The following TENM2 variants were observed in gnomAD, a reference collection of about 807,000 sequenced individuals.
The protein encoded by TENM2 is teneurin-2.
Under a neutral mutation model 245.2 loss-of-function variants are expected in TENM2, and 52 were observed. That is an observed-to-expected ratio of 0.21 (90% CI 0.17 to 0.27). TENM2 has a LOEUF of 0.27. TENM2 is among the 10% of genes least tolerant of loss of function. The pLI is 1.00. For synonymous variants in TENM2, 1,363 were observed against 1,438.9 expected (o/e 0.95, Z 1.19); for missense variants, 3,046 against 3,666.8 (o/e 0.83, Z 4.37).
the TENM2 span, among the ~76,000 whole-genome samples, chr5:167,203,022 A>G: frequency 8.5e-5 from 13 of 152,178 alleles, no homozygotes; most frequent in Non-Finnish European, 1.6e-4. Context: ...CAAATACCAT[A>G]CACATCTTAC....
the TENM2 span, among the ~76,000 whole-genome samples, chr5:167,083,377 A>C: frequency 6.6e-6 from 1 of 152,278 alleles, no homozygotes; most frequent in South Asian, 2.1e-4. Flanking sequence ...CCACTGCTTC[A>C]CCAACTGCTT....
chr5:168,234,505 A>G (rs1427780856), intron 25 of TENM2, among the ~76,000 whole-genome samples: 1 of 152,146 alleles, frequency 6.6e-6, no homozygotes, highest in Non-Finnish European at 1.5e-5. Context: ...AAATATCCCA[A>G]ATATAGTCTA....
At chr5:167,876,866 A>G (rs986230365) in intron 3 of TENM2, among the ~76,000 whole-genome samples, 2 of 152,100 alleles carry the variant, frequency 1.3e-5, no homozygotes, top group African/African-American at 4.8e-5. Context: ...GGAACAGGGA[A>G]ACTGGACCCA....
intron 1 of TENM2, among the ~76,000 whole-genome samples, chr5:167,304,619 T>G (rs1024907049): frequency 1.3e-5 from 2 of 152,116 alleles, no homozygotes; most frequent in Admixed American, 6.5e-5. Context: ...CATAAGAAAC[T>G]GTGTGATTTT....
At chr5:167,061,271 TTGG>T in the TENM2 span, among the ~76,000 whole-genome samples, 1 of 152,146 alleles carries the variant, frequency 6.6e-6, no homozygotes, top group Non-Finnish European at 1.5e-5. Flanking sequence ...AATATATTTG[TTGG>T]TGGAAAGAAT....
intron 2 of TENM2, among the ~76,000 whole-genome samples, chr5:167,714,069 C>T (rs1053256322): frequency 6.6e-5 from 10 of 152,114 alleles, no homozygotes; most frequent in African/African-American, 2.2e-4. Flanking sequence ...GTCACCTCAG[C>T]CTTGCCTTCT....
intron 2 of TENM2, among the ~76,000 whole-genome samples, chr5:167,443,806 CAG>C (rs1042258064): frequency 1.8e-4 from 27 of 152,090 alleles, no homozygotes; most frequent in Admixed American, 1.3e-3. Flanking sequence ...AACTTGAAAA[CAG>C]GGGACTTATT....
At chr5:167,281,121 T>C (rs1561833089), upstream of TENM2, among the ~76,000 whole-genome samples, 1 of 151,844 alleles carries the variant, frequency 6.6e-6, no homozygotes, top group African/African-American at 2.4e-5. Context: ...ATGTTTTTTT[T>C]TTTTTGAAAT....
intron 2 of TENM2, among the ~76,000 whole-genome samples, chr5:167,600,155 T>C (rs1010276823): frequency 1.4e-5 from 2 of 138,372 alleles, no homozygotes; most frequent in Non-Finnish European, 3.2e-5. Flanking sequence ...TGCAAAAATA[T>C]GTTAATGTTC....
intron 1 of TENM2, among the ~76,000 whole-genome samples, chr5:167,360,874 A>T (rs539802868): frequency 1.7e-4 from 26 of 152,250 alleles, no homozygotes; most frequent in Admixed American, 1.4e-3. Flanking sequence ...AGGAATTCAA[A>T]CTCTGGGCTA....
intron 4 of TENM2, among the ~76,000 whole-genome samples, chr5:167,966,803 G>A (rs1257713436): frequency 6.6e-6 from 1 of 152,144 alleles, no homozygotes; most frequent in African/African-American, 2.4e-5. Flanking sequence ...GTTTTCAAGT[G>A]AGGTTTAAAG....
chr5:167,276,349 ATTTTGTGT>A, the TENM2 span, among the ~76,000 whole-genome samples: 2 of 62,586 alleles, frequency 3.2e-5, no homozygotes, highest in Non-Finnish European at 4.5e-5. Flanking sequence ...GAGCCTGTTC[ATTTTGTGT>A]GTGTGTGTGT....
At chr5:167,354,267 T>A (rs183263859) in intron 1 of TENM2, among the ~76,000 whole-genome samples, 2 of 152,338 alleles carry the variant, frequency 1.3e-5, no homozygotes, top group African/African-American at 4.8e-5. Flanking sequence ...CTTCTTTAAA[T>A]TAGATCTCTT....
At chr5:168,246,650 C>T in intron 26 of TENM2, 107 bp from the exon 29 acceptor site, 1 of 1,119,974 alleles carries the variant, frequency 8.9e-7, no homozygotes, top group Non-Finnish European at 1.3e-6. Context: ...TCCCATCTTT[C>T]ATGACTTTTG....
At chr5:166,992,382 C>G in the TENM2 span, among the ~76,000 whole-genome samples, 1 of 152,104 alleles carries the variant, frequency 6.6e-6, no homozygotes, top group African/African-American at 2.4e-5. Context: ...TCTTTGAAGG[C>G]TTAATCTTTT....
chr5:167,690,537 G>GCC (rs1442643076), intron 2 of TENM2, among the ~76,000 whole-genome samples: 1 of 152,132 alleles, frequency 6.6e-6, no homozygotes, highest in Admixed American at 6.5e-5. Flanking sequence ...AGAGCTGCAT[G>GCC]CTATTACCAT....
chr5:167,839,760 A>G (rs1425653317), intron 2 of TENM2, among the ~76,000 whole-genome samples: 2 of 152,154 alleles, frequency 1.3e-5, no homozygotes, highest in Non-Finnish European at 2.9e-5. Flanking sequence ...TTTATTTTTT[A>G]GTGACAGAAA....
the TENM2 span, among the ~76,000 whole-genome samples, chr5:167,208,543 A>G: frequency 0.13 from 20,453 of 152,232 alleles, 1,554 homozygotes; most frequent in South Asian, 0.21. Context: ...CTTAAAGCAT[A>G]GAGAATGCAG....
chr5:168,034,123 A>ATATATATATATGTATACATATATATGTG lies in TENM2; in HGVS notation c.1187-13287_1187-13260dup, dbSNP rs1562077485. ...TATATATGTATACATATATATGTGT[A>ATATATATATATGTATACATATATATGTG]TATATATATATGTATACATATATAT... On this transcript the variant is annotated intron_variant, in intron 5 of 28. Transcript: ENST00000518659. Among the ~76,000 whole-genome samples the ATATATATATATGTATACATATATATGTG allele has an allele frequency of 7.7e-3, 570 of 73,706 alleles. 33 individuals carry two copies. The East Asian group carries it at 0.1, about 13-fold the overall frequency. 48.4% of individuals were successfully genotyped at this position (73,706 alleles called of 152,430 possible). A position where few individuals can be genotyped will look rare whatever the true frequency, so the allele number is the denominator to read the frequency against.
Sources: gnomAD v4.1 joint callset for allele counts (sites outside exome capture counted in the v4.1 genomes callset) on GRCh38, gnomAD v4.1.1 for gene constraint, MANE v1.5 for transcripts, NCBI Gene and HGNC (gene_info 2026-07-23, HGNC 2026-07-21) for gene names.